MTUS2: variants seen among roughly 807,000 people sequenced by gnomAD.
The protein encoded by MTUS2 is microtubule-associated tumor suppressor candidate 2.
In MTUS2, 40 loss-of-function variants were observed where a neutral mutation model predicts 114.1. The ratio of observed to expected loss-of-function variants is 0.35; its 90% CI spans 0.27 to 0.46. The LOEUF (loss-of-function observed/expected upper bound fraction) is 0.46. Ranked by LOEUF, MTUS2 falls within the 20% of genes least tolerant of loss-of-function variation. The pLI, the probability that MTUS2 is intolerant of heterozygous loss-of-function variation, is 1.00. For missense variants in MTUS2, 1,679 were observed against 1,705.4 expected, an observed-to-expected ratio of 0.98 and a Z score of 0.27; for synonymous variants, 688 against 672.0, an observed-to-expected ratio of 1.02 and a Z score of -0.37.
At chr13:29,217,240 G>T (rs1025798484) in intron 5 of MTUS2, among the ~76,000 whole-genome samples, 5 of 152,036 alleles carry the variant, frequency 3.3e-5, no homozygotes, top group Non-Finnish European at 5.9e-5. Flanking sequence ...TACAGCAATG[G>T]TATTATATTC....
At chr13:29,228,478 A>G (rs1456178040) in intron 5 of MTUS2, among the ~76,000 whole-genome samples, 1 of 151,982 alleles carries the variant, frequency 6.6e-6, no homozygotes, top group African/African-American at 2.4e-5. Flanking sequence ...GTGCCACCAC[A>G]CCTGGCTATT....
At chr13:29,191,121 T>C (rs929470798) in intron 5 of MTUS2, among the ~76,000 whole-genome samples, 43 of 152,066 alleles carry the variant, frequency 2.8e-4, no homozygotes, top group African/African-American at 9.9e-4. Context: ...CAGAGTCTCA[T>C]AACGCTTCAG....
intron 14 of MTUS2, among the ~76,000 whole-genome samples, chr13:29,499,810 G>T (rs1882770321): frequency 6.6e-6 from 1 of 152,232 alleles, no homozygotes. Context: ...TCTCTCTCTG[G>T]AAGCATCCCT....
At chr13:29,394,491 C>G (rs910798470) in intron 8 of MTUS2, among the ~76,000 whole-genome samples, 1 of 152,140 alleles carries the variant, frequency 6.6e-6, no homozygotes, top group Non-Finnish European at 1.5e-5. Context: ...CAACTACAGT[C>G]CTTATTATGC....
intron 7 of MTUS2, among the ~76,000 whole-genome samples, chr13:29,349,246 A>G (rs1277492045): frequency 6.6e-6 from 1 of 151,698 alleles, no homozygotes; most frequent in African/African-American, 2.4e-5. Flanking sequence ...ATTAGTTTTA[A>G]CATTCTAGCT....
At chr13:28,914,530 G>T (rs1461432966) in intron 2 of MTUS2, among the ~76,000 whole-genome samples, 2 of 151,094 alleles carry the variant, frequency 1.3e-5, no homozygotes, top group East Asian at 3.9e-4. Flanking sequence ...CAATTTTAGA[G>T]CAAATGTGGC....
At chr13:29,137,079 G>A (rs1322541763) in intron 5 of MTUS2, among the ~76,000 whole-genome samples, 1 of 152,110 alleles carries the variant, frequency 6.6e-6, no homozygotes, top group South Asian at 2.1e-4. Flanking sequence ...ACTGTGAGTG[G>A]TTAAGCAGAG....
At chr13:29,240,332 A>G (rs1896687099) in intron 5 of MTUS2, among the ~76,000 whole-genome samples, 2 of 152,188 alleles carry the variant, frequency 1.3e-5, no homozygotes, top group Admixed American at 1.3e-4. Flanking sequence ...TATGGCAACA[A>G]CTGTGGTCTA....
chr13:29,485,599 G>C (rs1333680416), intron 10 of MTUS2, among the ~76,000 whole-genome samples: 1 of 152,148 alleles, frequency 6.6e-6, no homozygotes, highest in Non-Finnish European at 1.5e-5. Flanking sequence ...CCTCGGAAAG[G>C]TTGTAAGGAA....
intron 8 of MTUS2, chr13:29,428,725 TG>T (rs1275540176): frequency 1.3e-6 from 2 of 1,551,580 alleles, no homozygotes; most frequent in Non-Finnish European, 1.7e-6. Context: ...GGGAACCACA[TG>T]GAAGTTGTGA....
chr13:29,052,469 A>G (rs1887945215), intron 4 of MTUS2, among the ~76,000 whole-genome samples: 1 of 151,984 alleles, frequency 6.6e-6, no homozygotes, highest in African/African-American at 2.4e-5. Context: ...CAAAAAAAAA[A>G]AAAAAAAAGA....
intron 8 of MTUS2, among the ~76,000 whole-genome samples, chr13:29,434,088 G>A (rs4238121): frequency 0.79 from 120,633 of 151,864 alleles, 48,294 homozygotes; most frequent in Middle Eastern, 0.86. Context: ...TTGGGCTTAC[G>A]TGTATATTTT....
At chr13:28,963,824 C>G (rs1883449618) in intron 2 of MTUS2, among the ~76,000 whole-genome samples, 1 of 152,180 alleles carries the variant, frequency 6.6e-6, no homozygotes, top group South Asian at 2.1e-4. Flanking sequence ...CAGTTGTCAT[C>G]TTATCCTTTC....
chr13:29,334,376 C>T (rs916655389), intron 7 of MTUS2, among the ~76,000 whole-genome samples: 5 of 152,154 alleles, frequency 3.3e-5, no homozygotes, highest in African/African-American at 7.2e-5. Flanking sequence ...ATGCTTCCTT[C>T]AGGAGCTCTT....
In MTUS2 at chr13:29,389,323, ATGTGTGTATATATGTATGCACG is replaced by A. The variant is rs1566172292; in HGVS notation, c.3117+29890_3117+29911del. On this transcript the variant is annotated intron_variant, in intron 8 of 15. Coordinates refer to ENST00000612955, the MANE Select transcript of MTUS2 (RefSeq NM_001033602.4). The stretch of plus-strand genomic sequence containing the variant: ...TATATGTGTATATATGTATACACAT[ATGTGTGTATATATGTATGCACG>A]TGTGTGTATATATGTATGCACGTGT... Among the ~76,000 whole-genome samples, 11 of 62,168 alleles carry A rather than the reference ATGTGTGTATATATGTATGCACG, an allele frequency of 1.8e-4. 2 individuals are homozygous for A. The highest frequency in any genetic ancestry group is 5.3e-4 in the African/African-American group (11 of 20,944). The allele number at this position is 62,168 out of a possible 152,430, so 40.8% of individuals were successfully genotyped here.
chr13:29,372,668 T>G (rs1871288675), intron 8 of MTUS2, among the ~76,000 whole-genome samples: 2 of 152,230 alleles, frequency 1.3e-5, no homozygotes, highest in African/African-American at 2.4e-5. Context: ...AAAGCTAATT[T>G]TCATACCTAA....
At chr13:29,331,564 T>G (rs968351278) in intron 7 of MTUS2, among the ~76,000 whole-genome samples, 1 of 152,128 alleles carries the variant, frequency 6.6e-6, no homozygotes, top group Non-Finnish European at 1.5e-5. Flanking sequence ...TCAAACTATA[T>G]TACAAGGCTA....
At chr13:29,254,718 A>G (rs1897239118) in intron 5 of MTUS2, among the ~76,000 whole-genome samples, 1 of 152,240 alleles carries the variant, frequency 6.6e-6, no homozygotes, top group Non-Finnish European at 1.5e-5. Context: ...CTCTGCACCA[A>G]TGATTCTTTA....
chr13:29,256,971 AC>A (rs1897300860), intron 5 of MTUS2, among the ~76,000 whole-genome samples: 1 of 152,140 alleles, frequency 6.6e-6, no homozygotes, highest in South Asian at 2.1e-4. Flanking sequence ...TTCTGGCCTG[AC>A]CTACATTGTT....
Sources: gnomAD v4.1 joint callset for allele counts (sites outside exome capture counted in the v4.1 genomes callset) on GRCh38, gnomAD v4.1.1 for gene constraint, MANE v1.5 for transcripts, NCBI Gene and HGNC (gene_info 2026-07-23, HGNC 2026-07-21) for gene names.